The following MAD1L1 variants were observed in gnomAD, a reference collection of about 807,000 sequenced individuals.
MAD1L1 encodes the protein mitotic arrest deficient 1 like 1.
MAD1L1 carries 95 observed loss-of-function variants against 96.9 expected under a neutral mutation model. The ratio of observed to expected loss-of-function variants is 0.98; its 90% CI spans 0.83 to 1.16. The LOEUF (loss-of-function observed/expected upper bound fraction) is 1.16. MAD1L1 is among the 50% of genes most tolerant of loss of function. The pLI, the probability that MAD1L1 is intolerant of heterozygous loss-of-function variation, is 0.00. For synonymous variants in MAD1L1, 473 were observed against 396.6 expected, an observed-to-expected ratio of 1.19 and a Z score of -2.29; for missense variants, 1,007 against 954.4, an observed-to-expected ratio of 1.06 and a Z score of -0.73.
chr7:2,202,170 T>A (rs1792345573), intron 10 of MAD1L1: 1 of 152,468 alleles, frequency 6.6e-6, no homozygotes. Flanking sequence ...ACTGCACGTC[T>A]GGCTCAGGGG....
intron 15 of MAD1L1, among the ~76,000 whole-genome samples, chr7:1,958,538 G>A (rs1037633579): frequency 5.3e-5 from 8 of 152,114 alleles, no homozygotes; most frequent in South Asian, 2.1e-4. Context: ...AGCAAGACCC[G>A]AGGAAACCCA....
At chr7:1,833,248 TCTG>T (rs1782794550) in intron 18 of MAD1L1, among the ~76,000 whole-genome samples, 1 of 152,244 alleles carries the variant, frequency 6.6e-6, no homozygotes, top group Non-Finnish European at 1.5e-5. Context: ...ATCACAGTGA[TCTG>T]GAACCAAATG....
At position 2,038,498 on chromosome 7, in the gene MAD1L1, C is replaced by CTTTTTTTTTTTTTTTT. The variant is rs60466584; in HGVS notation, c.1219-23872_1219-23857dup. Among the ~76,000 whole-genome samples, 8 of 92,856 alleles carry CTTTTTTTTTTTTTTTT rather than the reference C, an allele frequency of 8.6e-5. 2 individuals carry two copies. The highest frequency in any genetic ancestry group is 8.5e-4 in the South Asian group (2 of 2,354). 60.9% of individuals were successfully genotyped at this position (92,856 alleles called of 152,430 possible). A position where few individuals can be genotyped will look rare whatever the true frequency, so the allele number is the denominator to read the frequency against. ...TGTTAGGAGATAATGAAGCTGATGA[C>CTTTTTTTTTTTTTTTT]TTTTTTTTTTTTTTTTTTTTTTTTT... is the stretch of plus-strand genomic sequence containing the variant. On this transcript the variant is annotated intron_variant, in intron 12 of 18. Coordinates refer to ENST00000265854, the MANE Select transcript of MAD1L1 (RefSeq NM_001013836.2).
intron 15 of MAD1L1, among the ~76,000 whole-genome samples, chr7:1,964,896 G>A (rs1368469574): frequency 1.3e-5 from 2 of 152,208 alleles, no homozygotes; most frequent in African/African-American, 4.8e-5. Context: ...GGCCTGGAGA[G>A]GGGACAGTAG....
chr7:1,916,325 G>T (rs1216822792), intron 17 of MAD1L1, among the ~76,000 whole-genome samples: 1 of 152,202 alleles, frequency 6.6e-6, no homozygotes, highest in Non-Finnish European at 1.5e-5. Flanking sequence ...AACGTCCACA[G>T]CATGACTCAT....
intron 10 of MAD1L1, among the ~76,000 whole-genome samples, chr7:2,168,928 G>A (rs1247098405): frequency 6.6e-6 from 1 of 152,250 alleles, no homozygotes; most frequent in Non-Finnish European, 1.5e-5. Flanking sequence ...GATGGCGGCT[G>A]AAGCGGGAGG....
intron 16 of MAD1L1, among the ~76,000 whole-genome samples, chr7:1,952,997 G>T (rs1305608007): frequency 6.6e-6 from 1 of 152,182 alleles, no homozygotes; most frequent in Non-Finnish European, 1.5e-5. Context: ...CAGCACAAAG[G>T]GGGCAGCTGT....
chr7:2,009,038 A>T (rs370341008), intron 13 of MAD1L1, among the ~76,000 whole-genome samples: 2 of 152,118 alleles, frequency 1.3e-5, no homozygotes, highest in Admixed American at 6.5e-5. Context: ...CGGCCCCGCA[A>T]CCCTGGCACC....
intron 13 of MAD1L1, 97 bp from the exon 14 acceptor site, chr7:2,002,218 ACT>A (rs1398271487): frequency 1.6e-6 from 2 of 1,239,644 alleles, no homozygotes; most frequent in Admixed American, 3.4e-5. Flanking sequence ...CGCAGCCTCC[ACT>A]CTCTGGGGAG....
At chr7:1,866,317 G>A (rs1270154684) in intron 18 of MAD1L1, among the ~76,000 whole-genome samples, 4 of 152,192 alleles carry the variant, frequency 2.6e-5, no homozygotes, top group Admixed American at 2.6e-4. Context: ...TTGCGCTGTG[G>A]GTCCCGACAG....
At chr7:2,069,515 T>G (rs1157168741) in intron 11 of MAD1L1, among the ~76,000 whole-genome samples, 177 bp from the exon 12 acceptor site, 1 of 152,184 alleles carries the variant, frequency 6.6e-6, no homozygotes, top group Non-Finnish European at 1.5e-5. Flanking sequence ...CAGGAGTTTC[T>G]GGATTTCAAA....
chr7:2,183,960 A>G (rs1791331577), intron 10 of MAD1L1, among the ~76,000 whole-genome samples: 1 of 152,058 alleles, frequency 6.6e-6, no homozygotes, highest in Admixed American at 6.5e-5. Context: ...TAAGCAAAAG[A>G]AAGAACTCAG....
chr7:2,107,725 G>C (rs2128554405), intron 11 of MAD1L1: 1 of 152,408 alleles, frequency 6.6e-6, no homozygotes, highest in South Asian at 2.1e-4. Flanking sequence ...AACACCCAAA[G>C]CATTTCCTTC....
At chr7:1,828,254 G>A (rs556246555) in intron 18 of MAD1L1, among the ~76,000 whole-genome samples, 1 of 152,208 alleles carries the variant, frequency 6.6e-6, no homozygotes, top group Non-Finnish European at 1.5e-5. Context: ...CAGGAAGGGT[G>A]GCGGGCCCTG....
chr7:1,957,549 C>T (rs937614478), intron 16 of MAD1L1, 80 bp downstream of exon 16: 3 of 1,385,826 alleles, frequency 2.2e-6, no homozygotes, highest in African/African-American at 2.9e-5. Context: ...TCTGTGGCAG[C>T]AGGAACCACG....
chr7:1,928,965 C>T (rs1789265826), intron 17 of MAD1L1, among the ~76,000 whole-genome samples: 1 of 152,170 alleles, frequency 6.6e-6, no homozygotes, highest in Non-Finnish European at 1.5e-5. Context: ...CCTGAGACTG[C>T]AGAGGACACG....
At chr7:1,950,480 G>T (rs971767257) in intron 16 of MAD1L1, among the ~76,000 whole-genome samples, 1 of 152,206 alleles carries the variant, frequency 6.6e-6, no homozygotes, top group Non-Finnish European at 1.5e-5. Flanking sequence ...ACTTCCACCC[G>T]AGTCCTTCAG....
In MAD1L1 at chr7:1,901,029, A is replaced by C. The variant is rs1446677971; in HGVS notation, c.1808-2639T>G. ...CTCTCACCCTCTGACAGACAAACCC[A>C]GGGCCCTGGAGGGGAAGGGTCCATC... On this transcript the variant is annotated intron_variant, in intron 17 of 18. Coordinates refer to ENST00000265854, the MANE Select transcript of MAD1L1 (RefSeq NM_001013836.2). Among the ~76,000 whole-genome samples, 5 of 152,170 alleles carry C rather than the reference A, an allele frequency of 3.3e-5. No individual in the cohort carries two copies. The East Asian group carries it at 7.8e-4, about 24-fold the overall frequency.
intron 18 of MAD1L1, among the ~76,000 whole-genome samples, chr7:1,878,730 GTCC>G (rs776190646): frequency 9.7e-6 from 1 of 103,322 alleles, no homozygotes; most frequent in Non-Finnish European, 2.0e-5. Context: ...AGGTAAAAAT[GTCC>G]CCCCCCCCCC....
Sources: allele counts gnomAD v4.1 joint callset (sites outside exome capture counted in the v4.1 genomes callset), GRCh38; gene constraint gnomAD v4.1.1; transcripts MANE v1.5; gene names NCBI Gene and HGNC (gene_info 2026-07-23, HGNC 2026-07-21).